Variants in RAD18 observed in about 807,000 individuals in gnomAD.
RAD18 encodes E3 ubiquitin-protein ligase RAD18.
A neutral mutation model predicts 60.4 loss-of-function variants in RAD18; 47 were observed. The ratio of observed to expected loss-of-function variants is 0.78; its 90% CI spans 0.62 to 0.99. RAD18 has a LOEUF of 0.99. RAD18 is among the 50% of genes least tolerant of loss of function. The pLI is 0.00. For synonymous variants in RAD18, 225 were observed against 195.5 expected, an observed-to-expected ratio of 1.15 and a Z score of -1.26; for missense variants, 640 against 593.3, an observed-to-expected ratio of 1.08 and a Z score of -0.82.
chr3:8,900,101 A>T (rs1195295702), intron 10 of RAD18, among the ~76,000 whole-genome samples: 1 of 152,244 alleles, frequency 6.6e-6, no homozygotes, highest in Non-Finnish European at 1.5e-5. Flanking sequence ...AGTTTTTGTT[A>T]CACTGAGAGA....
chr3:8,959,814 G>A (rs1941067273), intron 1 of RAD18, among the ~76,000 whole-genome samples: 1 of 149,446 alleles, frequency 6.7e-6, no homozygotes, highest in Non-Finnish European at 1.5e-5. Context: ...TCCAGGAGGC[G>A]TAGGTTGCAG....
At chr3:8,903,034 A>G (rs1049895745) in intron 9 of RAD18, among the ~76,000 whole-genome samples, 5 of 152,018 alleles carry the variant, frequency 3.3e-5, no homozygotes, top group Non-Finnish European at 5.9e-5. Context: ...TCAAAAAAAA[A>G]AAACAAAAAA....
chr3:8,953,254 A>G (rs1940955727), intron 2 of RAD18, among the ~76,000 whole-genome samples: 1 of 150,394 alleles, frequency 6.6e-6, no homozygotes, highest in Non-Finnish European at 1.5e-5. Context: ...ATAAGTATAC[A>G]TTATATATAT....
intron 4 of RAD18, among the ~76,000 whole-genome samples, chr3:8,944,580 A>G (rs1940809735): frequency 7.4e-6 from 1 of 134,250 alleles, no homozygotes; most frequent in South Asian, 2.7e-4. Flanking sequence ...TAGACGGGGG[A>G]GGGAGGAATA....
intron 2 of RAD18, among the ~76,000 whole-genome samples, chr3:8,953,664 TACA>T (rs1190479194): frequency 6.6e-6 from 1 of 152,124 alleles, no homozygotes; most frequent in East Asian, 1.9e-4. Context: ...TGGAGGAAGG[TACA>T]ATAACAACAA....
intron 9 of RAD18, among the ~76,000 whole-genome samples, chr3:8,911,984 A>C (rs1303518648): frequency 6.6e-6 from 1 of 152,216 alleles, no homozygotes. Context: ...ATTGTTACTG[A>C]GTGGCCTGAG....
chr3:8,893,852 G>C (rs1465468002), intron 11 of RAD18, among the ~76,000 whole-genome samples: 1 of 151,740 alleles, frequency 6.6e-6, no homozygotes, highest in Non-Finnish European at 1.5e-5. Flanking sequence ...ACCATGTCTG[G>C]CTAATTTTTA....
At chr3:8,907,686 G>A (rs570909655) in intron 9 of RAD18, among the ~76,000 whole-genome samples, 3 of 152,330 alleles carry the variant, frequency 2.0e-5, no homozygotes, top group South Asian at 4.1e-4. Context: ...TTCAGATGGT[G>A]CAGCTTCAGG....
intron 7 of RAD18, among the ~76,000 whole-genome samples, chr3:8,929,782 C>G (rs564250652): frequency 3.4e-4 from 52 of 152,256 alleles, no homozygotes; most frequent in Non-Finnish European, 5.9e-4. Flanking sequence ...GCTGGGATTA[C>G]AGGCGCCTGC....
At chr3:8,920,501 T>C (rs540108108) in intron 7 of RAD18, among the ~76,000 whole-genome samples, 1 of 152,302 alleles carries the variant, frequency 6.6e-6, no homozygotes, top group South Asian at 2.1e-4. Flanking sequence ...AATAGCTACA[T>C]AGTGTTGAAG....
chr3:8,936,763 T>C (rs891420302), intron 6 of RAD18, among the ~76,000 whole-genome samples: 5 of 152,200 alleles, frequency 3.3e-5, no homozygotes, highest in African/African-American at 1.2e-4. Flanking sequence ...TTAGTGTACC[T>C]AAGAAGCACC....
intron 7 of RAD18, among the ~76,000 whole-genome samples, chr3:8,922,645 G>C (rs1695292): frequency 0.69 from 104,799 of 151,722 alleles, 36,720 homozygotes; most frequent in Middle Eastern, 0.77. Flanking sequence ...ACCCCAAGTA[G>C]CCTAACTGGG....
Position 8,910,312 on chromosome 3 carries a change from A to G in RAD18, c.1027+2000T>C, listed in dbSNP as rs1940084571. ...CAAAAGAGAATTATTAGTTATAAGA[A>G]AAACAAGGCCAGGTGCAGTGGCTCA... On this transcript the variant is annotated intron_variant, in intron 9 of 12. Coordinates refer to ENST00000264926, the MANE Select transcript of RAD18 (RefSeq NM_020165.4). 2.0e-5 allele frequency among the ~76,000 whole-genome samples: 3 copies of G among 152,230 alleles called. No individual in the cohort carries two copies. The South Asian group carries it at 6.2e-4, about 32-fold the overall frequency.
intron 12 of RAD18, among the ~76,000 whole-genome samples, chr3:8,882,136 GAAGTC>G (rs62788761): frequency 0.52 from 78,858 of 151,384 alleles, 20,538 homozygotes; most frequent in East Asian, 0.57. Flanking sequence ...GGGACAGGAA[GAAGTC>G]AAGTCCTGCC....
intron 11 of RAD18, among the ~76,000 whole-genome samples, chr3:8,895,798 G>A (rs1223601863): frequency 1.2e-4 from 19 of 152,162 alleles, no homozygotes. Flanking sequence ...AGTTTGTTGT[G>A]TAGTCTTCTA....
intron 11 of RAD18, among the ~76,000 whole-genome samples, chr3:8,895,890 C>T (rs1000389560): frequency 1.3e-5 from 2 of 152,184 alleles, no homozygotes; most frequent in African/African-American, 2.4e-5. Context: ...CATGCTGTTC[C>T]GAACACTGGA....
intron 9 of RAD18, among the ~76,000 whole-genome samples, chr3:8,909,610 T>C (rs1940073176): frequency 6.6e-6 from 1 of 152,028 alleles, no homozygotes; most frequent in African/African-American, 2.4e-5. Flanking sequence ...AGCGGAAGAA[T>C]ACCTTTGAAA....
At chr3:8,904,823 A>C (rs1425464307) in intron 9 of RAD18, among the ~76,000 whole-genome samples, 2 of 152,228 alleles carry the variant, frequency 1.3e-5, no homozygotes, top group African/African-American at 2.4e-5. Flanking sequence ...CACTGTACAC[A>C]TAAAGACTGG....
chr3:8,887,880 G>C (rs1231451060), intron 12 of RAD18, among the ~76,000 whole-genome samples: 1 of 152,144 alleles, frequency 6.6e-6, no homozygotes, highest in Non-Finnish European at 1.5e-5. Context: ...ACAGCAACGG[G>C]CCCAGCCAGG....
Sources: gnomAD v4.1 joint callset for allele counts (sites outside exome capture counted in the v4.1 genomes callset) on GRCh38, gnomAD v4.1.1 for gene constraint, MANE v1.5 for transcripts, NCBI Gene and HGNC (gene_info 2026-07-23, HGNC 2026-07-21) for gene names.